Variants in SLC43A1 observed in about 807,000 individuals in gnomAD.
SLC43A1 encodes large neutral amino acids transporter small subunit 3.
SLC43A1 carries 31 observed loss-of-function variants against 59.5 expected under a neutral mutation model. That is an observed-to-expected ratio of 0.52 (90% CI 0.39 to 0.70). The LOEUF is 0.70. Ranked by LOEUF, SLC43A1 falls within the 30% of genes least tolerant of loss-of-function variation. SLC43A1 has a pLI of 0.00. For missense variants in SLC43A1, 598 were observed against 717.8 expected, an observed-to-expected ratio of 0.83 and a Z score of 1.91; for synonymous variants, 259 against 290.9, an observed-to-expected ratio of 0.89 and a Z score of 1.12.
intron 2 of SLC43A1, among the ~76,000 whole-genome samples, chr11:57,512,180 G>C (rs1944564759): frequency 6.6e-6 from 1 of 152,088 alleles, no homozygotes; most frequent in African/African-American, 2.4e-5. Flanking sequence ...AATATTGTGT[G>C]GTGGGTACTG....
chr11:57,501,488 T>A, intron 2 of SLC43A1, 159 bp from the exon 3 acceptor site: 1 of 673,180 alleles, frequency 1.5e-6, no homozygotes, highest in South Asian at 1.8e-5. Context: ...GCTCCAGAAA[T>A]GGCAGCCATT....
chr11:57,501,436 C>A (rs571273280), intron 2 of SLC43A1, 107 bp from the exon 3 acceptor site: 244 of 1,163,544 alleles, frequency 2.1e-4, no homozygotes, highest in Non-Finnish European at 2.8e-4. Flanking sequence ...ATGCCAAGTG[C>A]CTTTGGGGGT....
chr11:57,512,534 ACT>A (rs560233417), intron 2 of SLC43A1, among the ~76,000 whole-genome samples: 1 of 147,318 alleles, frequency 6.8e-6, no homozygotes, highest in South Asian at 2.2e-4. Context: ...ACAGAGTGAG[ACT>A]CTGTCTCAAA....
intron 2 of SLC43A1, among the ~76,000 whole-genome samples, chr11:57,513,066 G>A (rs942175026): frequency 5.3e-5 from 8 of 152,172 alleles, no homozygotes; most frequent in African/African-American, 1.9e-4. Flanking sequence ...CCACGGAATC[G>A]ATATTATTAT....
At position 57,514,984 on chromosome 11, in the gene SLC43A1, C is replaced by A. The variant is rs1284917968; in HGVS notation, c.-14+460G>T. ...CCCCCCGCCGCGGCCGCTGCAGCCT[C>A]GGCGGGAGGAGAGGGAACGCGGGCG... On this transcript the variant is annotated intron_variant, in intron 1 of 14. Transcript: ENST00000278426. This position sits in a 1 kb window ranked among gnomAD's most constrained non-coding sequence, Gnocchi z 5.5. 6.1e-6 allele frequency: 6 copies of A among 980,268 alleles called. No individual in the cohort carries two copies. The East Asian group carries it at 4.6e-4, about 75-fold the overall frequency. The allele number at this position is 980,268 out of a possible 1,614,324, so 60.7% of individuals were successfully genotyped here. A position where few individuals can be genotyped will look rare whatever the true frequency, so the allele number is the denominator to read the frequency against.
intron 13 of SLC43A1, among the ~76,000 whole-genome samples, 168 bp downstream of exon 13, chr11:57,488,748 A>G (rs960043894): frequency 2.6e-5 from 4 of 152,160 alleles, no homozygotes; most frequent in Non-Finnish European, 1.5e-5. Flanking sequence ...CAACAGGGGG[A>G]GTCAATTACA....
intron 14 of SLC43A1, among the ~76,000 whole-genome samples, chr11:57,486,531 G>A (rs1943731356): frequency 6.6e-6 from 1 of 150,780 alleles, no homozygotes; most frequent in African/African-American, 2.4e-5. Context: ...CGGGCGCGGT[G>A]GCTAAGGCAT....
chr11:57,491,199 C>A, intron 11 of SLC43A1, 25 bp downstream of exon 11: 1 of 1,511,148 alleles, frequency 6.6e-7, no homozygotes, highest in Non-Finnish European at 8.9e-7. Context: ...CACTTGCTGT[C>A]ACCATCCCTG....
At chr11:57,502,770 A>G (rs1944298043) in intron 2 of SLC43A1, among the ~76,000 whole-genome samples, 1 of 151,266 alleles carries the variant, frequency 6.6e-6, no homozygotes, top group South Asian at 2.1e-4. Context: ...GCTACCTGGG[A>G]GTCTGAGGTG....
intron 5 of SLC43A1, chr11:57,499,429 G>T (rs548694710): frequency 6.6e-6 from 1 of 152,266 alleles, no homozygotes; most frequent in African/African-American, 2.4e-5. Flanking sequence ...TCAGGCAGAG[G>T]TTTTCCTGCA....
Position 57,491,551 on chromosome 11 carries a change from G to A in SLC43A1, c.1054+40C>T, listed in dbSNP as rs1323558266. ...CGCCCCCTGAGAAGCGGGTTGCAGT[G>A]GGGTGGGCGTGAGCCAGGGCCCTGC... On this transcript the variant is annotated intron_variant, in intron 10 of 14. Transcript: ENST00000278426. 5 of 1,612,596 alleles carry A rather than the reference G, an allele frequency of 3.1e-6. No homozygotes were observed. The East Asian group carries it at 1.1e-4, about 36-fold the overall frequency.
At chr11:57,497,175 C>G (rs1420126915) in intron 6 of SLC43A1, among the ~76,000 whole-genome samples, 1 of 143,214 alleles carries the variant, frequency 7.0e-6, no homozygotes. Context: ...TACTGCCCAC[C>G]GTGGAGGTTG....
chr11:57,504,688 C>T (rs773137293), intron 2 of SLC43A1, among the ~76,000 whole-genome samples: 9 of 152,204 alleles, frequency 5.9e-5, no homozygotes, highest in Non-Finnish European at 1.0e-4. Flanking sequence ...TTTTCCACTG[C>T]ACCAAAGGGC....
intron 2 of SLC43A1, among the ~76,000 whole-genome samples, chr11:57,509,693 GGAGGGAGGGAGA>G (rs1317445335): frequency 1.6e-5 from 2 of 128,242 alleles, no homozygotes; most frequent in Admixed American, 7.5e-5. Flanking sequence ...AGGGAGAGAG[GGAGGGAGGGAGA>G]GAGGGAGGGA....
chr11:57,501,662 CA>C (rs1565136532), intron 2 of SLC43A1, among the ~76,000 whole-genome samples: 1 of 152,180 alleles, frequency 6.6e-6, no homozygotes, highest in Non-Finnish European at 1.5e-5. Flanking sequence ...TATCTAGAGG[CA>C]AAGGCAAAGG....
intron 7 of SLC43A1, among the ~76,000 whole-genome samples, chr11:57,495,436 C>T (rs1206983877): frequency 4.0e-5 from 6 of 151,440 alleles, no homozygotes; most frequent in South Asian, 2.1e-4. Context: ...CCAGCCTGGG[C>T]GACAGAATGA....
chr11:57,500,029 A>G (rs1259617683), intron 5 of SLC43A1, among the ~76,000 whole-genome samples: 1 of 152,120 alleles, frequency 6.6e-6, no homozygotes, highest in Non-Finnish European at 1.5e-5. Context: ...AGCCCTTCTC[A>G]GAGATAAACA....
At chr11:57,494,426 A>AT in intron 7 of SLC43A1, 2 of 480,614 alleles carry the variant, frequency 4.2e-6, no homozygotes, top group South Asian at 5.7e-5. Flanking sequence ...AGGAGGCAGC[A>AT]TTAACACCTC....
chr11:57,490,032 T>C (rs2135151446), intron 11 of SLC43A1, among the ~76,000 whole-genome samples: 1 of 152,302 alleles, frequency 6.6e-6, no homozygotes, highest in South Asian at 2.1e-4. Flanking sequence ...GAAGGCTCAG[T>C]GCCAGGGCCA....
Sources: gnomAD v4.1 joint callset for allele counts (sites outside exome capture counted in the v4.1 genomes callset) on GRCh38, gnomAD v4.1.1 for gene constraint, Gnocchi (gnomAD v3.1) non-coding constraint, MANE v1.5 for transcripts, NCBI Gene and HGNC (gene_info 2026-07-23, HGNC 2026-07-21) for gene names.